USP32: variants seen among roughly 807,000 people sequenced by gnomAD.
USP32 encodes ubiquitin specific peptidase 32.
A neutral mutation model predicts 204.8 loss-of-function variants in USP32; 59 were observed. The observed-to-expected ratio is 0.29, with a 90% CI of 0.23 to 0.36. USP32 has a LOEUF of 0.36. USP32 is among the 10% of genes least tolerant of loss of function. The probability of loss-of-function intolerance (pLI) is 1.00; values close to 1 mark genes in which losing one functional copy is unlikely to be tolerated. For missense variants in USP32, 1,160 were observed against 1,946.4 expected, an observed-to-expected ratio of 0.60 and a Z score of 7.60; for synonymous variants, 517 against 678.4, an observed-to-expected ratio of 0.76 and a Z score of 3.70.
At chr17:60,419,533 C>G (rs1465584102) in intron 1 of USP32, among the ~76,000 whole-genome samples, 2 of 152,090 alleles carry the variant, frequency 1.3e-5, no homozygotes, top group South Asian at 2.1e-4. Flanking sequence ...GAGATGGAGG[C>G]CATCCTGGCT....
chr17:60,192,704 C>T (rs2084417297), intron 28 of USP32, 140 bp downstream of exon 28: 2 of 1,043,698 alleles, frequency 1.9e-6, no homozygotes, highest in South Asian at 1.6e-5. Context: ...GGAATACAGG[C>T]GTGAGCCACC....
intron 21 of USP32, among the ~76,000 whole-genome samples, chr17:60,210,056 G>T (rs1374575244): frequency 6.6e-6 from 1 of 151,640 alleles, no homozygotes; most frequent in Non-Finnish European, 1.5e-5. Flanking sequence ...ACATTTTCTG[G>T]TCTTGTTGCA....
chr17:60,359,192 C>T (rs2089151748), intron 1 of USP32, among the ~76,000 whole-genome samples: 1 of 152,116 alleles, frequency 6.6e-6, no homozygotes, highest in Admixed American at 6.6e-5. Context: ...TGTTAGGTGT[C>T]CCTCCTACAA....
intron 5 of USP32, among the ~76,000 whole-genome samples, chr17:60,283,705 T>C (rs1393445084): frequency 6.6e-6 from 1 of 151,116 alleles, no homozygotes; most frequent in Non-Finnish European, 1.5e-5. Flanking sequence ...AGGTGGATCA[T>C]GGCAGGGAAA....
intron 16 of USP32, among the ~76,000 whole-genome samples, chr17:60,216,511 T>C (rs1424511898): frequency 7.9e-5 from 12 of 152,260 alleles, no homozygotes; most frequent in Non-Finnish European, 1.8e-4. Flanking sequence ...TTAATGAGTC[T>C]TCCCCACTAA....
intron 5 of USP32, among the ~76,000 whole-genome samples, chr17:60,282,577 C>A (rs1388366709): frequency 1.3e-5 from 2 of 152,182 alleles, no homozygotes; most frequent in African/African-American, 4.8e-5. Flanking sequence ...TGGTCTTGAT[C>A]TCTTGACCTC....
chr17:60,320,548 A>C (rs1351610945), intron 2 of USP32, among the ~76,000 whole-genome samples: 1 of 152,206 alleles, frequency 6.6e-6, no homozygotes, highest in African/African-American at 2.4e-5. Context: ...GGATGAGGGA[A>C]GAAACCGGGG....
chr17:60,229,851 T>C (rs1381235198), intron 12 of USP32, among the ~76,000 whole-genome samples: 2 of 152,216 alleles, frequency 1.3e-5, no homozygotes, highest in Non-Finnish European at 2.9e-5. Context: ...TCTCGCTTTG[T>C]TGCCCAGGCT....
At chr17:60,282,949 T>C (rs773356180) in intron 5 of USP32, among the ~76,000 whole-genome samples, 10 of 152,218 alleles carry the variant, frequency 6.6e-5, no homozygotes, top group Admixed American at 3.9e-4. Context: ...CCAAGGGGCT[T>C]GCAACTTGTG....
At chr17:60,343,908 C>G (rs974725701) in intron 2 of USP32, among the ~76,000 whole-genome samples, 1 of 151,930 alleles carries the variant, frequency 6.6e-6, no homozygotes, top group African/African-American at 2.4e-5. Flanking sequence ...GTGGTGGGAG[C>G]CTGTAATCCC....
rs112743613 is a variant in USP32 at position 60,357,392 on chromosome 17, G to A, written c.59-11784C>T. Reference sequence around the variant, plus strand: ...TGCTTGAGCCCAGGAGTTGGAGGCTGCAGTGAGCTATGATTGAACCCCTGC... The same window carrying A: ...TGCTTGAGCCCAGGAGTTGGAGGCTACAGTGAGCTATGATTGAACCCCTGC... On this transcript the variant is annotated intron_variant, in intron 1 of 33. Transcript: ENST00000300896. 6.5e-3 allele frequency among the ~76,000 whole-genome samples: 995 copies of A among 152,296 alleles called. 6 individuals carry two copies. Among genetic ancestry groups the A allele is most frequent in the Non-Finnish European group, 0.011 (735 of 68,026 alleles).
chr17:60,233,330 G>A (rs1010977096), intron 12 of USP32, among the ~76,000 whole-genome samples: 1 of 152,094 alleles, frequency 6.6e-6, no homozygotes, highest in East Asian at 1.9e-4. Flanking sequence ...GCCAGGTGTG[G>A]TAGTGCATGC....
chr17:60,289,876 A>C (rs745464622), intron 4 of USP32, among the ~76,000 whole-genome samples: 1 of 152,326 alleles, frequency 6.6e-6, no homozygotes, highest in South Asian at 2.1e-4. Context: ...GTTACCTAAA[A>C]GAAATATGGT....
At chr17:60,394,238 C>T (rs758891943), upstream of USP32, among the ~76,000 whole-genome samples, 1 of 152,126 alleles carries the variant, frequency 6.6e-6, no homozygotes, top group African/African-American at 2.4e-5. Flanking sequence ...GTGCGAGTTC[C>T]GAGTTAGATT....
intron 1 of USP32, among the ~76,000 whole-genome samples, chr17:60,404,079 G>T (rs1013039405): frequency 2.0e-5 from 3 of 150,908 alleles, no homozygotes; most frequent in African/African-American, 4.9e-5. Flanking sequence ...GAAAGAAAAA[G>T]AAATATGCGC....
At chr17:60,325,972 CAAAAAAAAAAA>C in intron 2 of USP32, among the ~76,000 whole-genome samples, 1 of 58,300 alleles carries the variant, frequency 1.7e-5, no homozygotes, top group South Asian at 6.4e-4. Context: ...GACTCTGTCT[CAAAAAAAAAAA>C]AAAAAAAAAA....
intron 1 of USP32, among the ~76,000 whole-genome samples, chr17:60,351,160 T>G (rs1231780035): frequency 1.3e-5 from 2 of 151,482 alleles, no homozygotes; most frequent in Non-Finnish European, 2.9e-5. Flanking sequence ...GAAAAAAAAA[T>G]AGAGATTGGT....
intron 16 of USP32, among the ~76,000 whole-genome samples, chr17:60,215,297 A>C (rs900998377): frequency 6.6e-6 from 1 of 152,142 alleles, no homozygotes; most frequent in African/African-American, 2.4e-5. Flanking sequence ...AGTGAGTCCA[A>C]AGCCTCAACT....
intron 1 of USP32, among the ~76,000 whole-genome samples, chr17:60,352,250 T>C (rs1279957062): frequency 1.3e-5 from 2 of 152,202 alleles, no homozygotes; most frequent in Non-Finnish European, 2.9e-5. Context: ...AGGTAACAGC[T>C]GGCAAATATC....
Sources: gnomAD v4.1 joint callset for allele counts (sites outside exome capture counted in the v4.1 genomes callset) on GRCh38, gnomAD v4.1.1 for gene constraint, MANE v1.5 for transcripts, NCBI Gene and HGNC (gene_info 2026-07-23, HGNC 2026-07-21) for gene names.